MTRF1: variants seen among roughly 807,000 people sequenced by gnomAD.
MTRF1 encodes peptide chain release factor 1, mitochondrial.
Under a neutral mutation model 62.9 loss-of-function variants are expected in MTRF1, and 51 were observed. The ratio of observed to expected loss-of-function variants is 0.81; its 90% CI spans 0.65 to 1.02. MTRF1 has a LOEUF of 1.02. MTRF1 is among the 50% of genes least tolerant of loss of function. The pLI, the probability that MTRF1 is intolerant of heterozygous loss-of-function variation, is 0.00. For missense variants in MTRF1, 446 were observed against 530.0 expected (o/e 0.84, Z 1.56); for synonymous variants, 158 against 181.9 (o/e 0.87, Z 1.06).
chr13:41,290,259 C>T, the MTRF1 span, among the ~76,000 whole-genome samples: 8 of 149,972 alleles, frequency 5.3e-5, no homozygotes, highest in South Asian at 2.1e-4. Context: ...CACCTACGTC[C>T]GGCTAATTTT....
chr13:41,288,071 G>T, the MTRF1 span: 1 of 435,366 alleles, frequency 2.3e-6, no homozygotes, highest in South Asian at 1.7e-5. Context: ...GACTCACAAG[G>T]GAGAAGCATA....
At chr13:41,246,373 T>C (rs1437249824) in intron 5 of MTRF1, among the ~76,000 whole-genome samples, 1 of 152,154 alleles carries the variant, frequency 6.6e-6, no homozygotes, top group Non-Finnish European at 1.5e-5. Flanking sequence ...AAAACTATGC[T>C]GCTACTGCAG....
chr13:41,275,087 G>A, the MTRF1 span, among the ~76,000 whole-genome samples: 5 of 152,220 alleles, frequency 3.3e-5, no homozygotes, highest in Non-Finnish European at 4.4e-5. Flanking sequence ...TGTTAACATC[G>A]TTCTCGAACA....
the MTRF1 span, chr13:41,311,608 GC>G: frequency 6.3e-7 from 1 of 1,595,790 alleles, no homozygotes; most frequent in East Asian, 2.3e-5. Flanking sequence ...CCGCGCTGCC[GC>G]CCCCCGGTCC....
the MTRF1 span, among the ~76,000 whole-genome samples, chr13:41,282,031 A>G: frequency 4.6e-5 from 7 of 151,672 alleles, no homozygotes; most frequent in Non-Finnish European, 1.0e-4. Context: ...CCAGCTACTC[A>G]GGAGGCTGAG....
intron 6 of MTRF1, among the ~76,000 whole-genome samples, chr13:41,237,743 G>A (rs1202816857): frequency 2.6e-5 from 4 of 152,110 alleles, no homozygotes; most frequent in East Asian, 3.9e-4. Context: ...AAATGATCCC[G>A]TCTGCTTTGG....
At chr13:41,295,272 G>A in the MTRF1 span, among the ~76,000 whole-genome samples, 1 of 152,142 alleles carries the variant, frequency 6.6e-6, no homozygotes, top group South Asian at 2.1e-4. Flanking sequence ...ACTTGATTCT[G>A]TACTCTTGGG....
chr13:41,265,863 T>C (rs1400576567), upstream of MTRF1, among the ~76,000 whole-genome samples: 1 of 152,122 alleles, frequency 6.6e-6, no homozygotes, highest in Non-Finnish European at 1.5e-5. Context: ...TGTTTTTTTG[T>C]TTTTTGAGGT....
At chr13:41,285,727 A>T in the MTRF1 span, among the ~76,000 whole-genome samples, 1 of 152,116 alleles carries the variant, frequency 6.6e-6, no homozygotes, top group Non-Finnish European at 1.5e-5. Context: ...GGGGAGAGAC[A>T]ACCTTTTCCT....
At chr13:41,310,591 A>T in the MTRF1 span, among the ~76,000 whole-genome samples, 2 of 152,300 alleles carry the variant, frequency 1.3e-5, no homozygotes, top group East Asian at 3.9e-4. Context: ...AATCCTTTGA[A>T]CTCAGGAGGC....
chr13:41,263,132 C>T, intron 1 of MTRF1: 1 of 509,744 alleles, frequency 2.0e-6, no homozygotes, highest in South Asian at 1.7e-5. Context: ...AAAAGGATGA[C>T]AAATATATGT....
chr13:41,284,887 C>T, the MTRF1 span, among the ~76,000 whole-genome samples: 2 of 152,096 alleles, frequency 1.3e-5, no homozygotes, highest in Non-Finnish European at 2.9e-5. Context: ...CTCCTGACCT[C>T]GGGTGACCAA....
chr13:41,293,519 G>A, the MTRF1 span, among the ~76,000 whole-genome samples: 1 of 152,166 alleles, frequency 6.6e-6, no homozygotes, highest in African/African-American at 2.4e-5. Flanking sequence ...AAAACAGAAT[G>A]ATCTTTGAGT....
At chr13:41,294,554 A>T in the MTRF1 span, among the ~76,000 whole-genome samples, 1 of 152,166 alleles carries the variant, frequency 6.6e-6, no homozygotes, top group Non-Finnish European at 1.5e-5. Flanking sequence ...ACCGGTAAGT[A>T]GGAGAGTGAT....
At chr13:41,303,159 TCAATAA>T in the MTRF1 span, among the ~76,000 whole-genome samples, 2 of 152,102 alleles carry the variant, frequency 1.3e-5, no homozygotes, top group African/African-American at 4.8e-5. Flanking sequence ...AAGAGTGGTG[TCAATAA>T]CAAAAACAGA....
At chr13:41,299,068 C>T in the MTRF1 span, among the ~76,000 whole-genome samples, 1 of 149,860 alleles carries the variant, frequency 6.7e-6, no homozygotes, top group African/African-American at 2.5e-5. Flanking sequence ...AATCCAGCTA[C>T]TCAGGAGGCT....
chr13:41,219,609 G>A (rs1340905006), intron 9 of MTRF1, among the ~76,000 whole-genome samples: 1 of 152,174 alleles, frequency 6.6e-6, no homozygotes, highest in African/African-American at 2.4e-5. Context: ...GTGGCATCAG[G>A]GAAAGATTCA....
At chr13:41,232,912 G>C (rs559996840) in intron 7 of MTRF1, among the ~76,000 whole-genome samples, 1 of 152,166 alleles carries the variant, frequency 6.6e-6, no homozygotes, top group South Asian at 2.1e-4. Flanking sequence ...AAGAAAAGTA[G>C]GCAAATGAAA....
At chr13:41,296,574 C>T in the MTRF1 span, among the ~76,000 whole-genome samples, 46 of 152,084 alleles carry the variant, frequency 3.0e-4, no homozygotes, top group African/African-American at 1.1e-3. Context: ...TAGGCATTGT[C>T]AAATAACAAT....
Sources: allele counts gnomAD v4.1 joint callset (sites outside exome capture counted in the v4.1 genomes callset), GRCh38; gene constraint gnomAD v4.1.1; transcripts MANE v1.5; gene names NCBI Gene and HGNC (gene_info 2026-07-23, HGNC 2026-07-21).